The following LRCH3 variants were observed in gnomAD, a reference collection of about 807,000 sequenced individuals.
LRCH3 encodes DISP complex protein LRCH3.
A neutral mutation model predicts 104.5 loss-of-function variants in LRCH3; 68 were observed. That is an observed-to-expected ratio of 0.65 (90% confidence interval 0.54 to 0.80). LRCH3 has a LOEUF of 0.80. Among genes scored for constraint, LRCH3 ranks in the 30% least tolerant of loss-of-function variants. The pLI, the probability that LRCH3 is intolerant of heterozygous loss-of-function variation, is 0.00. For synonymous variants in LRCH3, 344 were observed against 361.3 expected (o/e 0.95, Z 0.54); for missense variants, 951 against 953.9 (o/e 1.00, Z 0.04).
At chr3:197,817,093 T>C in intron 2 of LRCH3, 83 bp from the exon 3 acceptor site, 4 of 1,220,580 alleles carry the variant, frequency 3.3e-6, no homozygotes, top group Non-Finnish European at 4.5e-6. Context: ...TTTGTTATTT[T>C]ACTGAGTATA....
At chr3:197,857,717 A>G (rs1013166021) in intron 14 of LRCH3, among the ~76,000 whole-genome samples, 4 of 152,242 alleles carry the variant, frequency 2.6e-5, no homozygotes, top group African/African-American at 9.6e-5. Context: ...ATTAAAAAGC[A>G]GGCCCAGGAA....
At chr3:197,816,678 A>G (rs1580619307) in intron 2 of LRCH3, among the ~76,000 whole-genome samples, 2 of 152,292 alleles carry the variant, frequency 1.3e-5, no homozygotes, top group African/African-American at 4.8e-5. Context: ...GATCTATGAA[A>G]TCACAACTTA....
At chr3:197,852,377 A>G in intron 12 of LRCH3, 184 bp from the exon 13 acceptor site, 1 of 583,350 alleles carries the variant, frequency 1.7e-6, no homozygotes, top group South Asian at 2.2e-5. Context: ...GTGTTTGTGT[A>G]GATATATGTA....
chr3:197,828,991 G>A (rs1334871006), intron 5 of LRCH3, among the ~76,000 whole-genome samples: 1 of 152,152 alleles, frequency 6.6e-6, no homozygotes, highest in Non-Finnish European at 1.5e-5. Flanking sequence ...TTACAGGTGT[G>A]AGCCACTGTG....
chr3:197,792,652 T>A (rs6583259), intron 1 of LRCH3, among the ~76,000 whole-genome samples: 4,982 of 118,464 alleles, frequency 0.042, 274 homozygotes, highest in African/African-American at 0.1. Flanking sequence ...ATATATAAAA[T>A]ATATATATAT....
chr3:197,854,498 C>G lies in LRCH3; in HGVS notation c.1644+53C>G. ...CGCATTTCTGTGTTTAGAGATTGTA[C>G]TTTTTATTCAGAAACTATCTAAATA... On this transcript the variant is annotated intron_variant, in intron 14 of 20. Coordinates refer to ENST00000425562, the MANE Select transcript of LRCH3 (RefSeq NM_001365715.1). This position sits in a 1 kb window ranked among gnomAD's most constrained non-coding sequence, Gnocchi z 4.5. 1 of 1,508,578 alleles carries G rather than the reference C, an allele frequency of 6.6e-7. No individual in the cohort carries two copies. Among genetic ancestry groups the G allele is most frequent in the Non-Finnish European group, 9.2e-7 (1 of 1,083,946 alleles). 93.4% of individuals were successfully genotyped at this position (1,508,578 alleles called of 1,614,324 possible). A position where few individuals can be genotyped will look rare whatever the true frequency, so the allele number is the denominator to read the frequency against.
rs1235973068 is a variant in LRCH3, at chr3:197,847,980, A to G, written c.1489A>G (p.Thr497Ala). Reference protein sequence around the residue: ...ALQYEEEKIRTKQIQRDAVLD... With the variant: ...ALQYEEEKIRAKQIQRDAVLD... ...GCAGTATGAGGAGGAGAAAATAAGGACCAAGCAGATCCAGAGAGATGCTGT... is the reference window on the plus strand; with the variant it reads ...GCAGTATGAGGAGGAGAAAATAAGGGCCAAGCAGATCCAGAGAGATGCTGT... The change falls in exon 12 of 21, where the codon ACC becomes GCC. Residue 497 changes from threonine (T) to alanine (A), a missense_variant. Physicochemically the swap from Thr to Ala is moderately conservative, Grantham distance 58. Transcript: ENST00000425562. 1 of 1,614,032 alleles carries G rather than the reference A, an allele frequency of 6.2e-7. No homozygotes were observed. The highest frequency in any genetic ancestry group is 1.7e-5 in the Admixed American group (1 of 59,996).
chr3:197,807,848 C>T (rs867079070), intron 1 of LRCH3, among the ~76,000 whole-genome samples: 6 of 152,090 alleles, frequency 3.9e-5, no homozygotes, highest in Non-Finnish European at 8.8e-5. Context: ...GTTTGAGTGA[C>T]GTATAGAAAC....
At position 197,791,298 on chromosome 3, in the gene LRCH3, T is replaced by A. The variant is rs1238701305; in HGVS notation, c.20T>A (p.Val7Asp). Residue 7 changes from valine to aspartate, a missense_variant, in exon 1 of 21, where the codon GTC (valine) becomes GAC (aspartate). Val to Asp is a radical substitution (Grantham distance 152, BLOSUM62 -3). Transcript: ENST00000425562. MAAAGL[V>D]AVAAAAEYSG... ...TGGGAAATGGCGGCCGCGGGCTTGGTCGCTGTGGCAGCGGCTGCCGAGTAC... is the reference window on the plus strand; with the variant it reads ...TGGGAAATGGCGGCCGCGGGCTTGGACGCTGTGGCAGCGGCTGCCGAGTAC... 1.2e-6 allele frequency: 2 copies of A among 1,608,776 alleles called. No homozygotes were observed. The highest frequency in any genetic ancestry group is 3.4e-5 in the Admixed American group (2 of 59,674).
intron 4 of LRCH3, among the ~76,000 whole-genome samples, chr3:197,823,923 T>C (rs1164022738): frequency 1.3e-5 from 2 of 152,192 alleles, no homozygotes; most frequent in East Asian, 3.8e-4. Flanking sequence ...CTTTACTGCT[T>C]TCCTCCCATC....
At chr3:197,847,523 A>G in intron 11 of LRCH3, 63 bp downstream of exon 11, 1 of 1,419,978 alleles carries the variant, frequency 7.0e-7, no homozygotes, top group Admixed American at 2.3e-5. Context: ...TTTCTTTTAT[A>G]ATACTTAAAT....
intron 10 of LRCH3, among the ~76,000 whole-genome samples, chr3:197,842,851 G>A (rs1255374600): frequency 6.6e-6 from 1 of 151,912 alleles, no homozygotes; most frequent in African/African-American, 2.4e-5. Flanking sequence ...TTGGGAGCCC[G>A]AGGCCAGCAG....
At chr3:197,809,300 A>T (rs994205947) in intron 1 of LRCH3, among the ~76,000 whole-genome samples, 4 of 152,030 alleles carry the variant, frequency 2.6e-5, no homozygotes, top group African/African-American at 9.7e-5. Flanking sequence ...CCTGTCTAAA[A>T]AAAAAAAAAG....
rs1341585635 is a variant in LRCH3, at chr3:197,856,833, T to G, written c.1645-2001T>G. Among the ~76,000 whole-genome samples the G allele has an allele frequency of 6.6e-6, 1 of 152,240 alleles. No homozygotes were observed. ...GATATATTAGGTGCTCAGTAAATATTTCCTGAATGAACATATAAATTCTGT... is the reference window on the plus strand; with the variant it reads ...GATATATTAGGTGCTCAGTAAATATGTCCTGAATGAACATATAAATTCTGT... On this transcript the variant is annotated intron_variant, in intron 14 of 20. Transcript: ENST00000425562. The surrounding 1 kb of genome is among the most constrained non-coding windows in gnomAD (Gnocchi z 4.2).
intron 18 of LRCH3, among the ~76,000 whole-genome samples, chr3:197,871,112 A>C (rs1712132327): frequency 1.3e-5 from 2 of 152,096 alleles, no homozygotes; most frequent in Non-Finnish European, 2.9e-5. Context: ...GTTGTAAATG[A>C]ATTTTTGTTG....
intron 1 of LRCH3, among the ~76,000 whole-genome samples, chr3:197,803,640 A>G (rs760577604): frequency 1.3e-5 from 2 of 151,866 alleles, no homozygotes; most frequent in Non-Finnish European, 2.9e-5. Flanking sequence ...ACTCTAGCTT[A>G]GGCCACAGAG....
intron 5 of LRCH3, among the ~76,000 whole-genome samples, chr3:197,828,137 A>G (rs2109262217): frequency 6.6e-6 from 1 of 151,826 alleles, no homozygotes; most frequent in South Asian, 2.1e-4. Context: ...GCTAAAAACT[A>G]TCAGTAGATT....
At chr3:197,846,774 T>G (rs1738792242) in intron 10 of LRCH3, among the ~76,000 whole-genome samples, 1 of 151,976 alleles carries the variant, frequency 6.6e-6, no homozygotes, top group South Asian at 2.1e-4. Context: ...GACACAAAGA[T>G]GAGTTACAGA....
At chr3:197,882,242 A>T in intron 20 of LRCH3, 1 of 985,410 alleles carries the variant, frequency 1.0e-6, no homozygotes, top group Non-Finnish European at 1.2e-6. Flanking sequence ...GAGACCAGGG[A>T]ATCAGCCTTG....
Sources: allele counts gnomAD v4.1 joint callset (sites outside exome capture counted in the v4.1 genomes callset), GRCh38; gene constraint gnomAD v4.1.1; non-coding constraint Gnocchi (gnomAD v3.1); transcripts MANE v1.5; gene names NCBI Gene and HGNC (gene_info 2026-07-23, HGNC 2026-07-21).